The following RBMS1 variants were observed in gnomAD, a reference collection of about 807,000 sequenced individuals.
The protein encoded by RBMS1 is RNA-binding motif, single-stranded-interacting protein 1.
In RBMS1, 17 loss-of-function variants were observed where a neutral mutation model predicts 62.3. The observed-to-expected ratio is 0.27, with a 90% CI of 0.19 to 0.41. RBMS1 has a LOEUF of 0.41. RBMS1 is among the 10% of genes least tolerant of loss of function. The probability of loss-of-function intolerance (pLI) is 1.00; values close to 1 mark genes in which losing one functional copy is unlikely to be tolerated. For missense variants in RBMS1, 334 were observed against 504.5 expected, an observed-to-expected ratio of 0.66 and a Z score of 3.24; for synonymous variants, 172 against 170.0, an observed-to-expected ratio of 1.01 and a Z score of -0.09.
intron 2 of RBMS1, among the ~76,000 whole-genome samples, chr2:160,352,492 G>A (rs1487445951): frequency 2.0e-5 from 3 of 152,038 alleles, no homozygotes; most frequent in Non-Finnish European, 4.4e-5. Flanking sequence ...CAAATAATAG[G>A]AAATGCAGGC....
intron 5 of RBMS1, among the ~76,000 whole-genome samples, chr2:160,301,517 T>C (rs891197941): frequency 6.6e-6 from 1 of 152,252 alleles, no homozygotes; most frequent in Non-Finnish European, 1.5e-5. Context: ...TGTAATTTAA[T>C]TGAATTCTCT....
chr2:160,293,090 C>G (rs1405177834), intron 6 of RBMS1, among the ~76,000 whole-genome samples: 2 of 152,090 alleles, frequency 1.3e-5, no homozygotes, highest in Non-Finnish European at 2.9e-5. Flanking sequence ...CCTGAAGGTA[C>G]CAGGGACATT....
chr2:160,324,937 CAT>C (rs1358167153), intron 2 of RBMS1, among the ~76,000 whole-genome samples: 32 of 141,610 alleles, frequency 2.3e-4, no homozygotes, highest in South Asian at 4.5e-4. Context: ...CACACACACA[CAT>C]ATATATGCGC....
At chr2:160,367,485 T>A (rs922883341) in intron 1 of RBMS1, 94 bp from the exon 2 acceptor site, 4 of 1,537,970 alleles carry the variant, frequency 2.6e-6, no homozygotes, top group Non-Finnish European at 3.5e-6. Flanking sequence ...TAGATTACTT[T>A]AAGCTACTTT....
At chr2:160,322,212 T>G (rs1211837540) in intron 2 of RBMS1, among the ~76,000 whole-genome samples, 1 of 152,234 alleles carries the variant, frequency 6.6e-6, no homozygotes, top group African/African-American at 2.4e-5. Context: ...ATACAAGTTT[T>G]GAGCATTACA....
At chr2:160,388,484 C>T (rs1315498070) in intron 1 of RBMS1, among the ~76,000 whole-genome samples, 4 of 152,170 alleles carry the variant, frequency 2.6e-5, no homozygotes, top group African/African-American at 9.7e-5. Context: ...CCCTGCTAAG[C>T]TGGAAGGGCT....
At chr2:160,338,619 T>C (rs531159489) in intron 2 of RBMS1, among the ~76,000 whole-genome samples, 21 of 152,228 alleles carry the variant, frequency 1.4e-4, no homozygotes, top group Non-Finnish European at 2.9e-4. Context: ...TTCTCACATA[T>C]ATTTTAATCT....
intron 1 of RBMS1, among the ~76,000 whole-genome samples, chr2:160,441,130 G>GT (rs1315155578): frequency 4.6e-5 from 7 of 152,136 alleles, no homozygotes; most frequent in Non-Finnish European, 8.8e-5. Context: ...GGATAAAGTC[G>GT]TTTTTTTGCA....
chr2:160,304,467 T>C (rs887856932), intron 4 of RBMS1, among the ~76,000 whole-genome samples: 1 of 152,226 alleles, frequency 6.6e-6, no homozygotes, highest in African/African-American at 2.4e-5. Context: ...TCCAGGAAGA[T>C]AAGCCATGCT....
intron 1 of RBMS1, among the ~76,000 whole-genome samples, chr2:160,478,376 T>C (rs1685230074): frequency 6.6e-6 from 1 of 152,214 alleles, no homozygotes; most frequent in Non-Finnish European, 1.5e-5. Context: ...TACCTTGCTT[T>C]TACTCAATCA....
chr2:160,407,738 G>T, intron 1 of RBMS1: 1 of 981,346 alleles, frequency 1.0e-6, no homozygotes, highest in Non-Finnish European at 1.2e-6. Context: ...TCGCCTAAAA[G>T]TACGGCGCGG....
chr2:160,412,937 C>T (rs560181761), intron 1 of RBMS1, among the ~76,000 whole-genome samples: 63 of 152,088 alleles, frequency 4.1e-4, no homozygotes, highest in Non-Finnish European at 7.4e-4. Flanking sequence ...CACATATTAC[C>T]GAGCCCCACA....
Position 160,493,435 on chromosome 2 carries a change from T to C in RBMS1, c.-72A>G. 1 of 1,467,656 alleles carries C rather than the reference T, an allele frequency of 6.8e-7. No individual in the cohort carries two copies. Among genetic ancestry groups the C allele is most frequent in the Non-Finnish European group, 9.5e-7 (1 of 1,054,118 alleles). The allele number at this position is 1,467,656 out of a possible 1,614,324, so 90.9% of individuals were successfully genotyped here. A position where few individuals can be genotyped will look rare whatever the true frequency, so the allele number is the denominator to read the frequency against. ...TTTCCAAGTCTCGGGCTCTCCTGCC[T>C]CTCCCTTTCCGGCGGCGGCGGCAGC... On this transcript the variant is annotated 5_prime_UTR_variant, in exon 1 of 14. Coordinates refer to ENST00000348849, the MANE Select transcript of RBMS1 (RefSeq NM_016836.4).
intron 1 of RBMS1, among the ~76,000 whole-genome samples, chr2:160,412,908 A>G (rs1181966703): frequency 6.6e-6 from 1 of 152,252 alleles, no homozygotes; most frequent in Non-Finnish European, 1.5e-5. Flanking sequence ...GGCGTCCTAG[A>G]GGACCCAACA....
chr2:160,353,055 C>T lies in RBMS1; in HGVS notation c.251+14161G>A, dbSNP rs77169169. On this transcript the variant is annotated intron_variant, in intron 2 of 13. Coordinates refer to ENST00000348849, the MANE Select transcript of RBMS1 (RefSeq NM_016836.4). The stretch of plus-strand genomic sequence containing the variant: ...AGCTGCATAAGGATTTTCCAAATGT[C>T]ATACAACCAAAACAAAATACAGAAA... Among the ~76,000 whole-genome samples, 5 of 152,208 alleles carry T rather than the reference C, an allele frequency of 3.3e-5. No individual in the cohort carries two copies. The East Asian group carries it at 9.7e-4, about 29-fold the overall frequency.
At chr2:160,413,499 G>A (rs1195857497) in intron 1 of RBMS1, among the ~76,000 whole-genome samples, 6 of 152,012 alleles carry the variant, frequency 3.9e-5, no homozygotes, top group Non-Finnish European at 8.8e-5. Context: ...TATTCCAAAC[G>A]TAAAGGCTCC....
chr2:160,401,500 C>T lies in RBMS1; in HGVS notation c.76-34109G>A, dbSNP rs185867567. Among the ~76,000 whole-genome samples, 4 of 152,264 alleles carry T rather than the reference C, an allele frequency of 2.6e-5. No homozygotes were observed. The South Asian group carries it at 6.2e-4, about 24-fold the overall frequency. On this transcript the variant is annotated intron_variant, in intron 1 of 13. Coordinates refer to ENST00000348849, the MANE Select transcript of RBMS1 (RefSeq NM_016836.4). ...GTTCTATACTATTTTAAAGTTTACA[C>T]CAAGATTTTAGAATGTGTTAAGCAA...
intron 1 of RBMS1, among the ~76,000 whole-genome samples, chr2:160,397,050 T>C (rs1222800181): frequency 6.6e-6 from 1 of 152,182 alleles, no homozygotes; most frequent in Non-Finnish European, 1.5e-5. Flanking sequence ...ATACTCATCT[T>C]ACCAATGTCA....
intron 4 of RBMS1, among the ~76,000 whole-genome samples, chr2:160,303,769 C>T (rs1689339851): frequency 6.6e-6 from 1 of 152,066 alleles, no homozygotes; most frequent in South Asian, 2.1e-4. Flanking sequence ...CAGTTGTTTG[C>T]GGTGTTTCTA....
Sources: gnomAD v4.1 joint callset for allele counts (sites outside exome capture counted in the v4.1 genomes callset) on GRCh38, gnomAD v4.1.1 for gene constraint, MANE v1.5 for transcripts, NCBI Gene and HGNC (gene_info 2026-07-23, HGNC 2026-07-21) for gene names.